Variants in USP33 observed in about 807,000 individuals in gnomAD.
USP33 encodes the protein ubiquitin carboxyl-terminal hydrolase 33.
Under a neutral mutation model 124.2 loss-of-function variants are expected in USP33, and 46 were observed. The ratio of observed to expected loss-of-function variants is 0.37; its 90% CI spans 0.29 to 0.47. The LOEUF is 0.47. USP33 is among the 20% of genes least tolerant of loss of function. USP33 has a pLI of 0.99. For synonymous variants in USP33, 350 were observed against 352.3 expected, an observed-to-expected ratio of 0.99 and a Z score of 0.07; for missense variants, 851 against 1,070.6, an observed-to-expected ratio of 0.79 and a Z score of 2.86.
intron 5 of USP33, among the ~76,000 whole-genome samples, chr1:77,737,213 T>A (rs750591100): frequency 6.6e-6 from 1 of 152,206 alleles, no homozygotes; most frequent in South Asian, 2.1e-4. Flanking sequence ...GAATTTAGCA[T>A]GTACTCTGGT....
At chr1:77,726,013 G>A (rs1164241094) in intron 10 of USP33, among the ~76,000 whole-genome samples, 7 of 152,132 alleles carry the variant, frequency 4.6e-5, no homozygotes, top group African/African-American at 7.2e-5. Flanking sequence ...GCAGAGGTGC[G>A]ATCTCAGCTC....
intron 10 of USP33, among the ~76,000 whole-genome samples, chr1:77,727,410 A>G (rs202115689): frequency 6.0e-4 from 92 of 152,352 alleles, no homozygotes; most frequent in African/African-American, 2.1e-3. Context: ...AAGTCTTTCA[A>G]TACTGATACC....
chr1:77,723,659 G>T (rs1344937159), intron 11 of USP33, among the ~76,000 whole-genome samples: 2 of 150,522 alleles, frequency 1.3e-5, no homozygotes, highest in African/African-American at 4.9e-5. Flanking sequence ...GATATTTGTT[G>T]TTTTTTTTTG....
At chr1:77,697,745 A>T in intron 23 of USP33, 118 bp downstream of exon 23, 2 of 1,096,414 alleles carry the variant, frequency 1.8e-6, no homozygotes, top group Non-Finnish European at 2.6e-6. Context: ...TGCCCTAGTT[A>T]ATGTATGGAT....
intron 16 of USP33, 30 bp downstream of exon 16, chr1:77,718,566 A>G: frequency 6.5e-7 from 1 of 1,528,014 alleles, no homozygotes; most frequent in Non-Finnish European, 9.0e-7. Context: ...CTACCACACA[A>G]TATAAGTTGA....
intron 7 of USP33, among the ~76,000 whole-genome samples, chr1:77,733,865 T>C (rs747074537): frequency 4.6e-5 from 7 of 152,298 alleles, no homozygotes; most frequent in Non-Finnish European, 5.9e-5. Context: ...GTCAAAGTCA[T>C]TGATTTCTGA....
intron 7 of USP33, among the ~76,000 whole-genome samples, chr1:77,732,747 C>T (rs1677968962): frequency 6.6e-6 from 1 of 151,728 alleles, no homozygotes; most frequent in Non-Finnish European, 1.5e-5. Context: ...TTCAAACAAC[C>T]AACCGATACT....
rs1678045835 is a variant in USP33 at position 77,733,219 on chromosome 1, C to A, written c.524+1128G>T. Among the ~76,000 whole-genome samples the A allele has an allele frequency of 2.0e-5, 3 of 152,136 alleles. No individual in the cohort carries two copies. The South Asian group carries it at 6.2e-4, about 32-fold the overall frequency. ...AACCAGCCTAGGCAACAAGGTGAAA[C>A]CCCATCTCTACAAAAAATTTAAAAA... On this transcript the variant is annotated intron_variant, in intron 7 of 23. Transcript: ENST00000370794.
At chr1:77,698,295 G>A (rs111617190) in intron 22 of USP33, among the ~76,000 whole-genome samples, 6,758 of 147,670 alleles carry the variant, frequency 0.046, 323 homozygotes, top group African/African-American at 0.12. Flanking sequence ...GGCTGGTCTC[G>A]AACTCCTGAC....
At chr1:77,740,533 T>TTA (rs1273918113) in intron 4 of USP33, among the ~76,000 whole-genome samples, 4 of 152,122 alleles carry the variant, frequency 2.6e-5, no homozygotes, top group Non-Finnish European at 1.5e-5. Context: ...TTTTTGTACT[T>TTA]TTAATAGAGA....
chr1:77,750,679 A>G (rs972370474), intron 1 of USP33, among the ~76,000 whole-genome samples: 10 of 150,324 alleles, frequency 6.7e-5, no homozygotes, highest in Admixed American at 2.0e-4. Flanking sequence ...AAAGAAAGAA[A>G]GAAAGAAAAA....
At chr1:77,713,579 T>G (rs2101288169) in intron 19 of USP33, 1 of 235,272 alleles carries the variant, frequency 4.3e-6, no homozygotes, top group East Asian at 1.4e-4. Flanking sequence ...TTTTTTTTTG[T>G]AGAAACAGGC....
intron 1 of USP33, among the ~76,000 whole-genome samples, chr1:77,748,538 A>G (rs568072753): frequency 6.7e-4 from 102 of 152,146 alleles, no homozygotes; most frequent in African/African-American, 2.0e-3. Context: ...GCATGGTGGC[A>G]GGCGCCTGTA....
chr1:77,721,452 C>T (rs1676551247), intron 14 of USP33: 1 of 562,630 alleles, frequency 1.8e-6, no homozygotes, highest in African/African-American at 1.9e-5. Context: ...TACTGACTGC[C>T]TGTCATATGT....
chr1:77,724,407 T>C (rs967140728), intron 11 of USP33, among the ~76,000 whole-genome samples: 2 of 152,210 alleles, frequency 1.3e-5, no homozygotes, highest in Non-Finnish European at 2.9e-5. Context: ...TTTTTTTCTT[T>C]AATGGATCAT....
chr1:77,743,235 G>T (rs1334889970), intron 1 of USP33, among the ~76,000 whole-genome samples: 1 of 152,090 alleles, frequency 6.6e-6, no homozygotes, highest in African/African-American at 2.4e-5. Context: ...GTGAGCCACT[G>T]CGCCTGGCCT....
rs748785838 is a variant in USP33 at position 77,725,726 on chromosome 1, G to A, written c.1172C>T (p.Thr391Ile). 6.2e-7 allele frequency: 1 copy of A among 1,613,946 alleles called. No individual in the cohort carries two copies. The highest frequency in any genetic ancestry group is 8.5e-7 in the Non-Finnish European group (1 of 1,179,904). The part of the protein sequence containing the change: ...ITDVHSNDLS[T>I]PQILPSNEGV... ...TTCATTTGATGGAAGGATCTGTGGT[G>A]TAGACAGGTCATTCGAATGGACATC... The change falls in exon 11 of 24, where the codon ACA becomes ATA. Residue 391 changes from threonine (T) to isoleucine (I), a missense_variant. Physicochemically the swap from Thr to Ile is moderately conservative, Grantham distance 89. This residue lies in a region of USP33 where 207 missense variants were observed against 200.9 expected (regional missense o/e 1.03). Transcript: ENST00000370794.
chr1:77,730,726 G>A lies in USP33; in HGVS notation c.530C>T (p.Pro177Leu), dbSNP rs1013790187. The A allele has an allele frequency of 1.3e-6, 2 of 1,565,216 alleles. No individual in the cohort carries two copies. Among genetic ancestry groups the A allele is most frequent in the East Asian group, 2.3e-5 (1 of 44,084 alleles). ...AALQALSNCPPLTQFFLDCGG... is the reference protein window; with the variant it reads ...AALQALSNCPLLTQFFLDCGG... ...ACAATCAAGAAAAAACTGTGTCAAAGGTGGGCTAATTTTAAAAAGAGAAAA... is the reference window on the plus strand; with the variant it reads ...ACAATCAAGAAAAAACTGTGTCAAAAGTGGGCTAATTTTAAAAAGAGAAAA... The change falls in exon 8 of 24, where the codon CCT (proline) becomes CTT (leucine). Residue 177 changes from proline (P) to leucine (L), a missense_variant. By Grantham distance (98) the Pro-to-Leu change is moderately conservative. Coordinates refer to ENST00000370794, the MANE Select transcript of USP33 (RefSeq NM_201624.3).
rs1279482160 is a variant in USP33 at position 77,741,378 on chromosome 1, C to T, written c.133G>A (p.Glu45Lys). ...TTCAGGAAAAAACATATACACACCT[C>T]CAGACATGCCCAAAGATTTGGTCCT... ...VQGPNLWACL[E>K]NRCSYVGCGE... is the part of the protein sequence containing the mutation. The change falls in exon 3 of 24, where the codon GAG becomes AAG. Residue 45 changes from glutamate (E) to lysine (K), a missense_variant and splice_region_variant. Glu to Lys is a moderately conservative substitution (Grantham distance 56). Coordinates refer to ENST00000370794, the MANE Select transcript of USP33 (RefSeq NM_201624.3). 3 of 1,607,866 alleles carry T rather than the reference C, an allele frequency of 1.9e-6. No individual in the cohort carries two copies. Among genetic ancestry groups the T allele is most frequent in the South Asian group, 2.2e-5 (2 of 89,362 alleles).
Sources: gnomAD v4.1 joint callset for allele counts (sites outside exome capture counted in the v4.1 genomes callset) on GRCh38, gnomAD v4.1.1 for gene constraint, gnomAD v4.1.1 regional missense constraint, MANE v1.5 for transcripts, NCBI Gene and HGNC (gene_info 2026-07-23, HGNC 2026-07-21) for gene names.